Variants in OSTC observed in about 807,000 individuals in gnomAD.
The protein encoded by OSTC is oligosaccharyltransferase complex non-catalytic subunit, also known as oligosaccharyltransferase complex subunit OSTC.
A neutral mutation model predicts 16.4 loss-of-function variants in OSTC; 16 were observed. That is an observed-to-expected ratio of 0.98 (90% CI 0.66 to 1.49). OSTC has a LOEUF of 1.49. Among genes scored for constraint, OSTC ranks in the 40% most tolerant of loss-of-function variants. The pLI, the probability that OSTC is intolerant of heterozygous loss-of-function variation, is 0.00. For synonymous variants in OSTC, 67 were observed against 68.5 expected, an observed-to-expected ratio of 0.98 and a Z score of 0.11; for missense variants, 139 against 186.3, an observed-to-expected ratio of 0.75 and a Z score of 1.48.
chr4:108,657,291 G>A (rs1195525008), intron 2 of OSTC, among the ~76,000 whole-genome samples, 159 bp from the exon 3 acceptor site: 1 of 152,124 alleles, frequency 6.6e-6, no homozygotes, highest in East Asian at 1.9e-4. Context: ...TCTGTTGAAT[G>A]GACAGATGAA....
intron 3 of OSTC, chr4:108,663,162 G>A: frequency 2.2e-6 from 1 of 454,742 alleles, no homozygotes; most frequent in Non-Finnish European, 4.4e-6. Flanking sequence ...TCTGTTTCAA[G>A]TTAGATTATG....
chr4:108,657,394 T>G, intron 2 of OSTC, 56 bp from the exon 3 acceptor site: 1 of 1,476,844 alleles, frequency 6.8e-7, no homozygotes, highest in South Asian at 1.2e-5. Flanking sequence ...GGAATTTCAA[T>G]TTAAGGGAAA....
intron 1 of OSTC, 24 bp from the exon 2 acceptor site, chr4:108,655,540 T>A (rs1483456697): frequency 1.4e-6 from 2 of 1,390,582 alleles, no homozygotes; most frequent in African/African-American, 2.9e-5. Context: ...TACAATCTAA[T>A]CTGTTCTGTT....
At chr4:108,656,954 C>G (rs1726721927) in intron 2 of OSTC, among the ~76,000 whole-genome samples, 1 of 151,952 alleles carries the variant, frequency 6.6e-6, no homozygotes, top group Non-Finnish European at 1.5e-5. Context: ...AAAAAATTAG[C>G]CAGGCGTGGT....
chr4:108,658,803 C>T (rs1404953173), intron 3 of OSTC, among the ~76,000 whole-genome samples: 1 of 151,804 alleles, frequency 6.6e-6, no homozygotes. Context: ...CTTAACCTGT[C>T]CATTGTCTGT....
At chr4:108,653,591 G>A (rs1223167130) in intron 1 of OSTC, among the ~76,000 whole-genome samples, 3 of 152,312 alleles carry the variant, frequency 2.0e-5, no homozygotes. Flanking sequence ...GAATCTTACA[G>A]GTTTCTGGTT....
intron 1 of OSTC, among the ~76,000 whole-genome samples, chr4:108,653,440 A>C (rs1726609817): frequency 6.6e-6 from 1 of 152,146 alleles, no homozygotes; most frequent in South Asian, 2.1e-4. Context: ...CCAAAAGACC[A>C]ATTAGGTGGC....
At chr4:108,664,663 G>A (rs991937359) in intron 3 of OSTC, among the ~76,000 whole-genome samples, 1 of 151,406 alleles carries the variant, frequency 6.6e-6, no homozygotes, top group Non-Finnish European at 1.5e-5. Context: ...GCATGATCTC[G>A]GTTCACTGCA....
chr4:108,656,861 A>G (rs952017186), intron 2 of OSTC, among the ~76,000 whole-genome samples: 2 of 152,150 alleles, frequency 1.3e-5, no homozygotes, highest in African/African-American at 4.8e-5. Context: ...GCACTTTGGG[A>G]GGCCGAGATG....
chr4:108,657,849 A>G (rs897751111), intron 3 of OSTC, among the ~76,000 whole-genome samples: 2 of 148,088 alleles, frequency 1.4e-5, no homozygotes, highest in Non-Finnish European at 3.0e-5. Flanking sequence ...TGTTATCCCC[A>G]TGAATGTTCA....
In OSTC at chr4:108,666,354, T is replaced by C. The variant is rs78254311; in HGVS notation, c.432-893T>C. Among the ~76,000 whole-genome samples, 536 of 152,328 alleles carry C rather than the reference T, an allele frequency of 3.5e-3. 24 individuals carry two copies. In the East Asian group the frequency reaches 0.088, roughly 25 times the overall value. On this transcript the variant is annotated intron_variant, in intron 3 of 3. Transcript: ENST00000361564. ...GACTCTTAACTTTAACTTTTAGATA[T>C]CATTTTCTTTTCTTTACTTCCTTTT...
At chr4:108,651,043 A>G (rs887944039) in intron 1 of OSTC, 3 of 468,676 alleles carry the variant, frequency 6.4e-6, no homozygotes, top group Admixed American at 7.4e-5. Flanking sequence ...CTCCCATCCC[A>G]GGGATCCGAG....
chr4:108,651,519 T>A (rs1272400255), intron 1 of OSTC: 1 of 152,178 alleles, frequency 6.6e-6, no homozygotes, highest in Non-Finnish European at 1.5e-5. Context: ...CCTTTTCAAA[T>A]AGAAAATTGC....
chr4:108,667,400 C>T lies in OSTC; in HGVS notation c.*135C>T. The T allele has an allele frequency of 3.0e-6, 2 of 664,936 alleles. No homozygotes were observed. Among genetic ancestry groups the T allele is most frequent in the Non-Finnish European group, 4.9e-6 (2 of 410,088 alleles). 41.2% of individuals were successfully genotyped at this position (664,936 alleles called of 1,614,324 possible). ...GTAAAAGAAATATCTAGTGAAAAAACAGGAAGCGTATTGAAGCTTGGACTA... is the reference window on the plus strand; with the variant it reads ...GTAAAAGAAATATCTAGTGAAAAAATAGGAAGCGTATTGAAGCTTGGACTA... On this transcript the variant is annotated 3_prime_UTR_variant, in exon 4 of 4. Coordinates refer to ENST00000361564, the MANE Select transcript of OSTC (RefSeq NM_021227.4).
At chr4:108,654,424 A>G (rs1356695234) in intron 1 of OSTC, among the ~76,000 whole-genome samples, 1 of 152,198 alleles carries the variant, frequency 6.6e-6, no homozygotes. Flanking sequence ...GAGATATCCA[A>G]AGGAATAAAG....
At chr4:108,659,735 C>G (rs1378146425) in intron 3 of OSTC, among the ~76,000 whole-genome samples, 1 of 152,056 alleles carries the variant, frequency 6.6e-6, no homozygotes, top group South Asian at 2.1e-4. Flanking sequence ...TGCCACTGCA[C>G]TCCAGCCTGG....
chr4:108,660,366 G>A (rs1726825066), intron 3 of OSTC, among the ~76,000 whole-genome samples: 1 of 152,122 alleles, frequency 6.6e-6, no homozygotes, highest in Non-Finnish European at 1.5e-5. Flanking sequence ...GGTACCTTGG[G>A]TATGGAGTGA....
At position 108,664,726 on chromosome 4, in the gene OSTC, T is replaced by C. The variant is rs577993377; in HGVS notation, c.432-2521T>C. Among the ~76,000 whole-genome samples, 16 of 152,076 alleles carry C rather than the reference T, an allele frequency of 1.1e-4. No homozygotes were observed. The East Asian group carries it at 3.1e-3, about 30-fold the overall frequency. On this transcript the variant is annotated intron_variant, in intron 3 of 3. Transcript: ENST00000361564. Reference sequence around the variant, plus strand: ...CTCCTGCCTCGGCGTCCTGAGTAGCTGGGACTACAGGCATGCACTACCACA... The same window carrying C: ...CTCCTGCCTCGGCGTCCTGAGTAGCCGGGACTACAGGCATGCACTACCACA...
chr4:108,657,184 A>G (rs987031799), intron 2 of OSTC, among the ~76,000 whole-genome samples: 21 of 152,070 alleles, frequency 1.4e-4, no homozygotes, highest in African/African-American at 4.8e-4. Flanking sequence ...TTTGAATGTG[A>G]ACTCCATGAA....
Sources: allele counts gnomAD v4.1 joint callset (sites outside exome capture counted in the v4.1 genomes callset), GRCh38; gene constraint gnomAD v4.1.1; transcripts MANE v1.5; gene names NCBI Gene and HGNC (gene_info 2026-07-23, HGNC 2026-07-21).